Variants in SLIT3 observed in about 807,000 individuals in gnomAD.
SLIT3 encodes slit homolog 3 protein.
A neutral mutation model predicts 184.0 loss-of-function variants in SLIT3; 68 were observed. The observed-to-expected ratio is 0.37, with a 90% CI of 0.30 to 0.45. SLIT3 has a LOEUF of 0.45. Among genes scored for constraint, SLIT3 ranks in the 20% least tolerant of loss-of-function variants. SLIT3 has a pLI of 1.00. For synonymous variants in SLIT3, 831 were observed against 828.6 expected (o/e 1.00, Z -0.05); for missense variants, 1,707 against 2,026.0 (o/e 0.84, Z 3.02).
In SLIT3 at chr5:168,748,432, T is replaced by G; in HGVS notation, c.2140A>C (p.Asn714His). 2.0e-6 allele frequency: 3 copies of G among 1,524,374 alleles called. No individual in the cohort carries two copies. Among genetic ancestry groups the G allele is most frequent in the Non-Finnish European group, 2.6e-6 (3 of 1,148,410 alleles). The allele number at this position is 1,524,374 out of a possible 1,614,324, so 94.4% of individuals were successfully genotyped here. Reference sequence around the variant, plus strand: ...CTCAGCTGGCAGCTACTCTCCTCGTTGCCTGTGGAGAGCCCCAGAGAGGGT... The same window carrying G: ...CTCAGCTGGCAGCTACTCTCCTCGTGGCCTGTGGAGAGCCCCAGAGAGGGT... ...VAIQDFTCDG[N>H]EESSCQLSPR... The change falls in exon 20 of 36, where the codon AAC becomes CAC. Residue 714 changes from asparagine to histidine, a missense_variant and splice_region_variant. Asn to His is a moderately conservative substitution (Grantham distance 68). This residue lies in a region of SLIT3 where 1,307 missense variants were observed against 1,511.6 expected (regional missense o/e 0.86). Coordinates refer to ENST00000519560, the MANE Select transcript of SLIT3 (RefSeq NM_003062.4).
chr5:168,716,242 T>G (rs531974135), intron 23 of SLIT3, among the ~76,000 whole-genome samples: 555 of 152,284 alleles, frequency 3.6e-3, no homozygotes, highest in Non-Finnish European at 5.0e-3. Context: ...CCCAAAGTGC[T>G]GGGATAACAG....
intron 3 of SLIT3, among the ~76,000 whole-genome samples, chr5:169,223,349 G>A (rs1386649972): frequency 6.6e-6 from 1 of 152,188 alleles, no homozygotes; most frequent in Non-Finnish European, 1.5e-5. Flanking sequence ...CCAGAGTTGG[G>A]GACCTTTCCT....
At chr5:168,868,747 C>CAGAA (rs869113329) in intron 5 of SLIT3, among the ~76,000 whole-genome samples, 1 of 69,324 alleles carries the variant, frequency 1.4e-5, no homozygotes, top group Non-Finnish European at 2.9e-5. Flanking sequence ...GAATCTGCCT[C>CAGAA]AAAAAAAAAA....
chr5:169,173,472 A>G (rs1483258280), intron 4 of SLIT3, among the ~76,000 whole-genome samples: 1 of 152,170 alleles, frequency 6.6e-6, no homozygotes, highest in Admixed American at 6.5e-5. Flanking sequence ...ATTGTCCTAT[A>G]GTTCTGCCAA....
intron 32 of SLIT3, among the ~76,000 whole-genome samples, chr5:168,676,123 C>A (rs1014724426): frequency 6.7e-6 from 1 of 149,464 alleles, no homozygotes; most frequent in Non-Finnish European, 1.5e-5. Flanking sequence ...ATCTACCTAT[C>A]CATCTCTCTA....
At chr5:168,775,166 G>T (rs1755699098) in intron 12 of SLIT3, among the ~76,000 whole-genome samples, 1 of 151,978 alleles carries the variant, frequency 6.6e-6, no homozygotes, top group African/African-American at 2.4e-5. Context: ...GGCTCCTGAG[G>T]AGCTGGGATT....
At chr5:169,048,016 A>G (rs1444453678) in intron 4 of SLIT3, among the ~76,000 whole-genome samples, 1 of 152,088 alleles carries the variant, frequency 6.6e-6, no homozygotes, top group Non-Finnish European at 1.5e-5. Flanking sequence ...GAGAAAACCA[A>G]ATGGAAGAAA....
intron 2 of SLIT3, among the ~76,000 whole-genome samples, chr5:169,250,643 A>G (rs1231385631): frequency 6.6e-6 from 1 of 152,246 alleles, no homozygotes; most frequent in Non-Finnish European, 1.5e-5. Context: ...ATTCCATGGC[A>G]TACAAATACC....
At position 168,722,444 on chromosome 5, in the gene SLIT3, A is replaced by C. The variant is rs1581005320; in HGVS notation, c.2412-117T>G. 7 of 859,260 alleles carry C rather than the reference A, an allele frequency of 8.1e-6. No individual in the cohort carries two copies. The East Asian group carries it at 1.9e-4, about 23-fold the overall frequency. 53.2% of individuals were successfully genotyped at this position (859,260 alleles called of 1,614,324 possible). On this transcript the variant is annotated intron_variant, in intron 22 of 35. Coordinates refer to ENST00000519560, the MANE Select transcript of SLIT3 (RefSeq NM_003062.4). The stretch of plus-strand genomic sequence containing the variant: ...TTATCTTTTCAATGTTGATATATTG[A>C]CAGAACATCCCCTAAAGGGACAAGA...
chr5:168,673,561 A>G (rs1761320061), intron 32 of SLIT3, among the ~76,000 whole-genome samples: 1 of 152,244 alleles, frequency 6.6e-6, no homozygotes, highest in South Asian at 2.1e-4. Context: ...CATTTTATGT[A>G]TACACACACA....
intron 5 of SLIT3, among the ~76,000 whole-genome samples, chr5:168,845,290 C>A (rs978844804): frequency 4.6e-5 from 7 of 152,212 alleles, no homozygotes; most frequent in African/African-American, 1.7e-4. Context: ...TGTTACGGGG[C>A]CCATCTGGTA....
intron 3 of SLIT3, among the ~76,000 whole-genome samples, chr5:169,233,357 G>GT (rs554783146): frequency 3.3e-4 from 50 of 150,974 alleles, no homozygotes; most frequent in African/African-American, 1.0e-3. Flanking sequence ...TGTAAACATA[G>GT]TTTTTTTTAA....
chr5:168,742,654 G>C (rs1178550067), intron 20 of SLIT3, among the ~76,000 whole-genome samples: 1 of 133,664 alleles, frequency 7.5e-6, no homozygotes, highest in Non-Finnish European at 1.6e-5. Flanking sequence ...ATGTGACTGA[G>C]TGCTTCTGAA....
At chr5:168,948,792 A>G (rs1363276515) in intron 4 of SLIT3, among the ~76,000 whole-genome samples, 3 of 152,230 alleles carry the variant, frequency 2.0e-5, no homozygotes, top group South Asian at 2.1e-4. Flanking sequence ...TCTCTTACCC[A>G]GGATAGTGTC....
chr5:168,898,906 C>G (rs1760775191), intron 4 of SLIT3, among the ~76,000 whole-genome samples: 1 of 152,270 alleles, frequency 6.6e-6, no homozygotes, highest in East Asian at 1.9e-4. Flanking sequence ...GGAGAAACAG[C>G]CTCCACCCTG....
chr5:169,141,033 T>C (rs1449193027), intron 4 of SLIT3, among the ~76,000 whole-genome samples: 1 of 152,196 alleles, frequency 6.6e-6, no homozygotes, highest in African/African-American at 2.4e-5. Flanking sequence ...TGCGATAAAC[T>C]CAACTTACGT....
chr5:169,173,540 C>A (rs1407575141), intron 4 of SLIT3, among the ~76,000 whole-genome samples: 2 of 151,994 alleles, frequency 1.3e-5, no homozygotes, highest in African/African-American at 4.8e-5. Context: ...CCTGAGTGTG[C>A]ATTCCTTCCT....
At position 168,789,571 on chromosome 5, in the gene SLIT3, T is replaced by C; in HGVS notation, c.1068A>G (p.Ser356=). 6.2e-7 allele frequency: 1 copy of C among 1,612,966 alleles called. No individual in the cohort carries two copies. The highest frequency in any genetic ancestry group is 8.5e-7 in the Non-Finnish European group (1 of 1,179,558). ...CGGGCCCCACTTACAGCGATGTGAG[T>C]GATTTCAGGCCCTGGAAGGCATCTG... ...IAPDAFQGLK[S]LTSLVLYGNK... Residue 356 remains serine (S), a synonymous_variant, in exon 11 of 36, where the codon TCA becomes TCG. Coordinates refer to ENST00000519560, the MANE Select transcript of SLIT3 (RefSeq NM_003062.4).
intron 4 of SLIT3, among the ~76,000 whole-genome samples, chr5:169,014,728 A>G (rs778603526): frequency 2.0e-5 from 3 of 152,220 alleles, no homozygotes; most frequent in Non-Finnish European, 4.4e-5. Context: ...AGGCAGGTGG[A>G]TCATCTGAGG....
Sources: allele counts gnomAD v4.1 joint callset (sites outside exome capture counted in the v4.1 genomes callset), GRCh38; gene constraint gnomAD v4.1.1; regional missense constraint gnomAD v4.1.1; transcripts MANE v1.5; gene names NCBI Gene and HGNC (gene_info 2026-07-23, HGNC 2026-07-21).